TLK1: variants seen among roughly 807,000 people sequenced by gnomAD.
TLK1 encodes the protein tousled like kinase 1.
A neutral mutation model predicts 105.3 loss-of-function variants in TLK1; 24 were observed. The ratio of observed to expected loss-of-function variants is 0.23; its 90% CI spans 0.17 to 0.32. TLK1 has a LOEUF of 0.32. Among genes scored for constraint, TLK1 ranks in the 10% least tolerant of loss-of-function variants. The pLI is 1.00. For synonymous variants in TLK1, 321 were observed against 310.4 expected (o/e 1.03, Z -0.36); for missense variants, 558 against 910.5 (o/e 0.61, Z 4.98).
In TLK1 at chr2:171,031,144, AT is replaced by A. The variant is rs1686025164; in HGVS notation, c.1170-2740del. Reference sequence around the variant, plus strand: ...CCTGGGTCTTGTCTTGCCAATTAGAATGCAAACCCCCAAATGACAAAAGAGC... The same window carrying A: ...CCTGGGTCTTGTCTTGCCAATTAGAAGCAAACCCCCAAATGACAAAAGAGC... On this transcript the variant is annotated intron_variant, in intron 11 of 20. Transcript: ENST00000431350. Among the ~76,000 whole-genome samples, 3 of 152,288 alleles carry A rather than the reference AT, an allele frequency of 2.0e-5. No homozygotes were observed. The East Asian group carries it at 5.8e-4, about 29-fold the overall frequency.
At chr2:171,094,640 C>T (rs1385949825) in intron 2 of TLK1, among the ~76,000 whole-genome samples, 2 of 152,118 alleles carry the variant, frequency 1.3e-5, no homozygotes, top group South Asian at 2.1e-4. Context: ...CAGAGTTTTG[C>T]TCTTGTTGCC....
chr2:171,002,587 A>G (rs770630929), intron 18 of TLK1, among the ~76,000 whole-genome samples: 49 of 151,928 alleles, frequency 3.2e-4, no homozygotes, highest in Non-Finnish European at 4.7e-4. Context: ...TTTTTCTAAA[A>G]TCACATTACA....
intron 1 of TLK1, among the ~76,000 whole-genome samples, chr2:171,141,778 A>G (rs1217178702): frequency 6.6e-6 from 1 of 152,172 alleles, no homozygotes; most frequent in Non-Finnish European, 1.5e-5. Flanking sequence ...ATTATCAGAT[A>G]AGCAAAAAAG....
intron 4 of TLK1, among the ~76,000 whole-genome samples, chr2:171,059,191 T>C (rs1015254912): frequency 8.5e-5 from 13 of 152,224 alleles, no homozygotes; most frequent in African/African-American, 2.9e-4. Flanking sequence ...AAAGGTCTTA[T>C]ACTAAAGGGA....
At chr2:171,114,827 C>T (rs567925367) in intron 2 of TLK1, among the ~76,000 whole-genome samples, 1 of 151,846 alleles carries the variant, frequency 6.6e-6, no homozygotes, top group African/African-American at 2.4e-5. Context: ...AGAGTGAGAT[C>T]CTGTCTCAGA....
intron 1 of TLK1, among the ~76,000 whole-genome samples, chr2:171,148,890 A>AAAAAAAAAATATAT (rs1445171800): frequency 2.2e-5 from 3 of 138,470 alleles, no homozygotes; most frequent in African/African-American, 8.1e-5. Flanking sequence ...AAAAAAAAAA[A>AAAAAAAAAATATAT]ATATATATAT....
At chr2:171,115,562 A>G (rs1690386184) in intron 2 of TLK1, among the ~76,000 whole-genome samples, 1 of 152,142 alleles carries the variant, frequency 6.6e-6, no homozygotes, top group African/African-American at 2.4e-5. Context: ...AAAAATTTTC[A>G]TTTTCCACCC....
intron 4 of TLK1, among the ~76,000 whole-genome samples, chr2:171,059,047 A>G (rs529351425): frequency 6.1e-4 from 93 of 152,340 alleles, no homozygotes; most frequent in African/African-American, 2.1e-3. Context: ...AAAGTTTAAC[A>G]ACTTTAAATT....
At position 171,176,821 on chromosome 2, in the gene TLK1, T is replaced by C. The variant is rs1438093252; in HGVS notation, c.-6+54324A>G. On this transcript the variant is annotated intron_variant, in intron 1 of 20. Coordinates refer to the TLK1 transcript ENST00000521943. ...CTTGCTCACTCTCTGCTTCACCTCATCGGCCTATTTTTTTTTTAATTTTTT... is the reference window on the plus strand; with the variant it reads ...CTTGCTCACTCTCTGCTTCACCTCACCGGCCTATTTTTTTTTTAATTTTTT... Among the ~76,000 whole-genome samples, 9 of 151,892 alleles carry C rather than the reference T, an allele frequency of 5.9e-5. No homozygotes were observed. In the South Asian group the frequency reaches 1.7e-3, roughly 28 times the overall value.
At position 170,994,854 on chromosome 2, in the gene TLK1, G is replaced by A. The variant is rs976635893; in HGVS notation, c.2125-898C>T. On this transcript the variant is annotated intron_variant, in intron 20 of 20. Coordinates refer to ENST00000431350, the MANE Select transcript of TLK1 (RefSeq NM_012290.5). The stretch of plus-strand genomic sequence containing the variant: ...TAAATTTTGAGGTTCATCCTTTTTT[G>A]GGGGGGGAGGGAACAGATAAAATAT... The A allele has an allele frequency of 9.2e-5, 32 of 348,916 alleles. 1 individual carries two copies. Among genetic ancestry groups the A allele is most frequent in the South Asian group, 7.1e-4 (30 of 41,960 alleles). 21.6% of individuals were successfully genotyped at this position (348,916 alleles called of 1,614,324 possible). A position where few individuals can be genotyped will look rare whatever the true frequency, so the allele number is the denominator to read the frequency against.
intron 1 of TLK1, among the ~76,000 whole-genome samples, chr2:171,192,013 G>A (rs1291703137): frequency 6.6e-6 from 1 of 151,994 alleles, no homozygotes; most frequent in Non-Finnish European, 1.5e-5. Context: ...GAAAATTTTT[G>A]CCCTAAATAG....
chr2:171,137,867 ATAAAAAAG>A, intron 1 of TLK1, among the ~76,000 whole-genome samples: 1 of 151,820 alleles, frequency 6.6e-6, no homozygotes, highest in Middle Eastern at 3.4e-3. Flanking sequence ...ATAAAATAAA[ATAAAAAAG>A]TAAAAAATAA....
At chr2:171,082,672 A>T in intron 3 of TLK1, 109 bp downstream of exon 3, 1 of 883,634 alleles carries the variant, frequency 1.1e-6, no homozygotes, top group East Asian at 2.5e-5. Context: ...AAGAAACTTT[A>T]AAAGCATTAA....
At chr2:171,037,582 T>C (rs555530523) in intron 11 of TLK1, among the ~76,000 whole-genome samples, 2 of 152,286 alleles carry the variant, frequency 1.3e-5, no homozygotes, top group Non-Finnish European at 2.9e-5. Context: ...AGATCAATGT[T>C]GAATTTTATC....
chr2:171,018,915 TA>T (rs1465162451), intron 12 of TLK1, among the ~76,000 whole-genome samples: 3 of 152,100 alleles, frequency 2.0e-5, no homozygotes, highest in African/African-American at 7.2e-5. Flanking sequence ...AAATACACAA[TA>T]AAAGGACATG....
Position 171,160,446 on chromosome 2 carries a change from A to ACCCGACTCCCCCCCTGCGAC in TLK1, c.-38_-19dup. The ACCCGACTCCCCCCCTGCGAC allele has an allele frequency of 6.3e-7, 1 of 1,587,744 alleles. No homozygotes were observed. Among genetic ancestry groups the ACCCGACTCCCCCCCTGCGAC allele is most frequent in the Non-Finnish European group, 8.6e-7 (1 of 1,169,466 alleles). On this transcript the variant is annotated 5_prime_UTR_variant, in exon 1 of 21. An upstream open reading frame in the 5' UTR gains an earlier in-frame stop. Transcript: ENST00000431350. This position sits in a 1 kb window ranked among gnomAD's most constrained non-coding sequence, Gnocchi z 4.4. ...ACACTCATCAAGCTACTTTCTGGGA[A>ACCCGACTCCCCCCCTGCGAC]CCCGACTCCCCCCCTGCGACGGCAG...
In TLK1 at chr2:171,108,955, C is replaced by A. The variant is rs201495671; in HGVS notation, c.258+8784G>T. Among the ~76,000 whole-genome samples, 9 of 152,222 alleles carry A rather than the reference C, an allele frequency of 5.9e-5. No homozygotes were observed. The East Asian group carries it at 7.7e-4, about 13-fold the overall frequency. ...TAGAAAACCATATACCTAAAACAAACATAAACCAAAAGAAAGCTAAAATTA... is the reference window on the plus strand; with the variant it reads ...TAGAAAACCATATACCTAAAACAAAAATAAACCAAAAGAAAGCTAAAATTA... On this transcript the variant is annotated intron_variant, in intron 2 of 20. Coordinates refer to ENST00000431350, the MANE Select transcript of TLK1 (RefSeq NM_012290.5).
chr2:171,191,800 A>C (rs1693160152), intron 1 of TLK1, among the ~76,000 whole-genome samples: 1 of 152,268 alleles, frequency 6.6e-6, no homozygotes, highest in South Asian at 2.1e-4. Flanking sequence ...CAGCAAGGCC[A>C]ATATACTTTC....
Position 170,996,519 on chromosome 2 carries a change from C to A in TLK1, c.2124+134G>T, listed in dbSNP as rs1684071232. Reference sequence around the variant, plus strand: ...CAACTCCTTCTCTGAAAGTAAATCACCAGCCCCTGCTGGACAGATCCCCTG... The same window carrying A: ...CAACTCCTTCTCTGAAAGTAAATCAACAGCCCCTGCTGGACAGATCCCCTG... On this transcript the variant is annotated intron_variant, in intron 20 of 20. Transcript: ENST00000431350. The A allele has an allele frequency of 5.3e-6, 3 of 566,982 alleles. No individual in the cohort carries two copies. The Admixed American group carries it at 1.1e-4, about 21-fold the overall frequency. The allele number at this position is 566,982 out of a possible 1,614,324, so 35.1% of individuals were successfully genotyped here.
Sources: allele counts gnomAD v4.1 joint callset (sites outside exome capture counted in the v4.1 genomes callset), GRCh38; gene constraint gnomAD v4.1.1; non-coding constraint Gnocchi (gnomAD v3.1); transcripts MANE v1.5; gene names NCBI Gene and HGNC (gene_info 2026-07-23, HGNC 2026-07-21).